The following VTI1A variants were observed in gnomAD, a reference collection of about 807,000 sequenced individuals.
VTI1A encodes vesicle transport through interaction with t-SNAREs homolog 1A.
In VTI1A, 22 loss-of-function variants were observed where a neutral mutation model predicts 34.9. That is an observed-to-expected ratio of 0.63 (90% CI 0.45 to 0.90). The LOEUF (loss-of-function observed/expected upper bound fraction) is 0.90. VTI1A is among the 40% of genes least tolerant of loss of function. The pLI is 0.00. For synonymous variants in VTI1A, 87 were observed against 97.3 expected (o/e 0.89, Z 0.62); for missense variants, 268 against 275.6 (o/e 0.97, Z 0.20).
chr10:112,558,830 A>G (rs1851622523), intron 5 of VTI1A, among the ~76,000 whole-genome samples: 1 of 152,248 alleles, frequency 6.6e-6, no homozygotes. Context: ...GGTTGTCACC[A>G]TGCAGGGTGC....
chr10:112,708,660 CTAAG>C (rs1443588511), intron 7 of VTI1A, among the ~76,000 whole-genome samples: 1 of 152,204 alleles, frequency 6.6e-6, no homozygotes, highest in East Asian at 1.9e-4. Flanking sequence ...ACCAGCTATT[CTAAG>C]TAAGAACTGA....
At chr10:112,731,728 T>G (rs1221829108) in intron 7 of VTI1A, among the ~76,000 whole-genome samples, 1 of 152,226 alleles carries the variant, frequency 6.6e-6, no homozygotes, top group Non-Finnish European at 1.5e-5. Flanking sequence ...TGACTTCTAT[T>G]TGCCTTTTGT....
intron 7 of VTI1A, among the ~76,000 whole-genome samples, chr10:112,807,979 A>T (rs1853146913): frequency 6.6e-6 from 1 of 152,202 alleles, no homozygotes; most frequent in Non-Finnish European, 1.5e-5. Context: ...GCACTTTGGG[A>T]GGCCGAGGCA....
At chr10:112,669,032 G>A (rs1847750521) in intron 7 of VTI1A, 34 bp downstream of exon 7, 1 of 1,605,900 alleles carries the variant, frequency 6.2e-7, no homozygotes, top group Non-Finnish European at 8.5e-7. Context: ...CTTTCTCTCT[G>A]TGTGTTTTTT....
chr10:112,717,100 A>AT (rs1226737053), intron 7 of VTI1A, among the ~76,000 whole-genome samples: 1 of 152,182 alleles, frequency 6.6e-6, no homozygotes, highest in East Asian at 1.9e-4. Flanking sequence ...AAATCTAGAG[A>AT]TTCCACCGAA....
chr10:112,470,872 C>T (rs529027346), intron 3 of VTI1A, among the ~76,000 whole-genome samples: 8 of 152,134 alleles, frequency 5.3e-5, no homozygotes, highest in East Asian at 3.9e-4. Context: ...GGCAACAGAG[C>T]GAGAGACTCA....
chr10:112,643,747 C>T (rs1204832764), intron 5 of VTI1A, among the ~76,000 whole-genome samples: 1 of 152,304 alleles, frequency 6.6e-6, no homozygotes, highest in African/African-American at 2.4e-5. Context: ...TATTAATGTA[C>T]ACACCTCCAT....
chr10:112,656,427 C>G (rs1847230858), intron 5 of VTI1A, among the ~76,000 whole-genome samples: 1 of 145,928 alleles, frequency 6.9e-6, no homozygotes, highest in South Asian at 2.2e-4. Flanking sequence ...CTTTCTCTGT[C>G]ACCCAGGCTG....
the VTI1A span, chr10:112,826,259 T>C: frequency 0.46 from 69,742 of 151,982 alleles, 17,189 homozygotes; most frequent in African/African-American, 0.64. Context: ...GAAACCAGTG[T>C]GTGGTGCCAG....
intron 5 of VTI1A, among the ~76,000 whole-genome samples, chr10:112,656,317 A>T (rs545578900): frequency 3.9e-5 from 6 of 152,010 alleles, no homozygotes; most frequent in African/African-American, 1.4e-4. Flanking sequence ...AGATAAATGA[A>T]TAGAAGAAAT....
At chr10:112,720,979 G>A (rs1356138594) in intron 7 of VTI1A, among the ~76,000 whole-genome samples, 3 of 152,022 alleles carry the variant, frequency 2.0e-5, no homozygotes, top group Admixed American at 2.0e-4. Context: ...TGGTGAAAAT[G>A]CCCTGCAGTT....
the VTI1A span, among the ~76,000 whole-genome samples, chr10:112,830,764 A>G: frequency 7.1e-6 from 1 of 141,538 alleles, no homozygotes; most frequent in East Asian, 2.2e-4. Context: ...CATCTCAGGC[A>G]TTAGCTTCAA....
intron 7 of VTI1A, among the ~76,000 whole-genome samples, chr10:112,679,871 T>C (rs748176814): frequency 2.0e-5 from 3 of 152,082 alleles, no homozygotes; most frequent in South Asian, 2.1e-4. Flanking sequence ...TCTCAAGCCA[T>C]AGGGCAGTGG....
rs55928615 is a variant in VTI1A at position 112,546,021 on chromosome 10, C to T, written c.427+7691C>T. Among the ~76,000 whole-genome samples, 489 of 137,454 alleles carry T rather than the reference C, an allele frequency of 3.6e-3. 5 individuals carry two copies. The highest frequency in any genetic ancestry group is 0.015 in the African/African-American group (436 of 30,040). The allele number at this position is 137,454 out of a possible 152,430, so 90.2% of individuals were successfully genotyped here. A position where few individuals can be genotyped will look rare whatever the true frequency, so the allele number is the denominator to read the frequency against. On this transcript the variant is annotated intron_variant, in intron 5 of 7. Transcript: ENST00000393077. Reference sequence around the variant, plus strand: ...GTATACGCGTATGTGTGTGTATATACGTGTATACGCGTATGTGTGTGTATA... The same window carrying T: ...GTATACGCGTATGTGTGTGTATATATGTGTATACGCGTATGTGTGTGTATA...
chr10:112,791,408 C>G (rs578031552), intron 7 of VTI1A, among the ~76,000 whole-genome samples: 1 of 152,140 alleles, frequency 6.6e-6, no homozygotes, highest in Non-Finnish European at 1.5e-5. Context: ...CACTTTCTCT[C>G]TATATATTCT....
At chr10:112,783,820 A>G (rs1236173963) in intron 7 of VTI1A, among the ~76,000 whole-genome samples, 2 of 152,232 alleles carry the variant, frequency 1.3e-5, no homozygotes, top group African/African-American at 4.8e-5. Flanking sequence ...CGATTCCAGC[A>G]TGTGCTGCTG....
intron 7 of VTI1A, among the ~76,000 whole-genome samples, chr10:112,746,543 G>GCCACTTGTT (rs1850903992): frequency 6.6e-6 from 1 of 152,202 alleles, no homozygotes; most frequent in African/African-American, 2.4e-5. Flanking sequence ...GTCTTGCAAG[G>GCCACTTGTT]CCACTTGTTC....
chr10:112,519,874 T>C (rs1324009862), intron 3 of VTI1A, among the ~76,000 whole-genome samples: 1 of 152,070 alleles, frequency 6.6e-6, no homozygotes, highest in Non-Finnish European at 1.5e-5. Context: ...ACTGTGACTA[T>C]GGACAGATTT....
chr10:112,804,851 ATTTTTTT>A (rs138471169), intron 7 of VTI1A, among the ~76,000 whole-genome samples: 1 of 55,326 alleles, frequency 1.8e-5, no homozygotes, highest in Non-Finnish European at 3.2e-5. Context: ...TAGATTATAG[ATTTTTTT>A]TTTTTTTTTT....
Sources: gnomAD v4.1 joint callset for allele counts (sites outside exome capture counted in the v4.1 genomes callset) on GRCh38, gnomAD v4.1.1 for gene constraint, MANE v1.5 for transcripts, NCBI Gene and HGNC (gene_info 2026-07-23, HGNC 2026-07-21) for gene names.